The following TMEM181 variants were observed in gnomAD, a reference collection of about 807,000 sequenced individuals.
The protein encoded by TMEM181 is G protein-coupled receptor 178.
TMEM181 carries 39 observed loss-of-function variants against 71.9 expected under a neutral mutation model. That is an observed-to-expected ratio of 0.54 (90% CI 0.42 to 0.71). The LOEUF is 0.71. Among genes scored for constraint, TMEM181 ranks in the 30% least tolerant of loss-of-function variants. The probability of loss-of-function intolerance (pLI) is 0.00; values close to 1 mark genes in which losing one functional copy is unlikely to be tolerated. For missense variants in TMEM181, 595 were observed against 583.0 expected, an observed-to-expected ratio of 1.02 and a Z score of -0.21; for synonymous variants, 245 against 228.8, an observed-to-expected ratio of 1.07 and a Z score of -0.64.
chr6:158,546,034 C>T (rs746535081), intron 1 of TMEM181, among the ~76,000 whole-genome samples: 1 of 152,214 alleles, frequency 6.6e-6, no homozygotes, highest in Non-Finnish European at 1.5e-5. Flanking sequence ...GCTTATCTAT[C>T]TGGCATGACC....
intron 1 of TMEM181, among the ~76,000 whole-genome samples, chr6:158,560,643 C>T (rs1029741916): frequency 6.6e-6 from 1 of 152,212 alleles, no homozygotes; most frequent in African/African-American, 2.4e-5. Flanking sequence ...CCGTCGTCCC[C>T]TCGGTATCGA....
At chr6:158,549,807 G>A (rs781288566) in intron 1 of TMEM181, among the ~76,000 whole-genome samples, 6 of 152,182 alleles carry the variant, frequency 3.9e-5, no homozygotes, top group Admixed American at 6.5e-5. Context: ...TGTTGCAGGA[G>A]TATTTTTTGT....
At position 158,579,634 on chromosome 6, in the gene TMEM181, G is replaced by A. The variant is rs184235200; in HGVS notation, c.113-1306G>A. Among the ~76,000 whole-genome samples, 460 of 150,988 alleles carry A rather than the reference G, an allele frequency of 3.0e-3. 2 individuals carry two copies. Among genetic ancestry groups the A allele is most frequent in the African/African-American group, 0.01 (422 of 41,122 alleles). ...CTTGGGAGGCTGAGGCAGGAGAATC[G>A]CTTGAACCTGGGAGGCAGAGGTTGC... On this transcript the variant is annotated intron_variant, in intron 2 of 16. Transcript: ENST00000684151.
intron 6 of TMEM181, among the ~76,000 whole-genome samples, chr6:158,590,968 GTGAC>G (rs1784079557): frequency 6.6e-6 from 1 of 152,216 alleles, no homozygotes; most frequent in Admixed American, 6.5e-5. Flanking sequence ...GTGGTCTTCG[GTGAC>G]TGTCTGCTTT....
chr6:158,615,636 TA>T (rs777848410), intron 10 of TMEM181, among the ~76,000 whole-genome samples: 25 of 152,362 alleles, frequency 1.6e-4, no homozygotes, highest in Admixed American at 4.6e-4. Context: ...TTTAAGTCTT[TA>T]ATCCATCTTG....
intron 3 of TMEM181, 100 bp downstream of exon 3, chr6:158,581,095 T>A: frequency 8.6e-7 from 1 of 1,161,560 alleles, no homozygotes; most frequent in Non-Finnish European, 1.2e-6. Context: ...TAGCCTTCCC[T>A]TGCCTTGCGG....
chr6:158,613,193 A>T (rs1399632580), intron 10 of TMEM181, among the ~76,000 whole-genome samples: 2 of 152,220 alleles, frequency 1.3e-5, no homozygotes, highest in Non-Finnish European at 2.9e-5. Context: ...AAACCATAAA[A>T]ATTGAAAAAC....
At chr6:158,584,553 A>G (rs1395482167) in intron 4 of TMEM181, among the ~76,000 whole-genome samples, 1 of 152,202 alleles carries the variant, frequency 6.6e-6, no homozygotes, top group Admixed American at 6.5e-5. Context: ...TAATGCATCC[A>G]TTGTTTATGA....
chr6:158,596,892 G>A (rs1273728045), intron 6 of TMEM181, among the ~76,000 whole-genome samples: 3 of 152,138 alleles, frequency 2.0e-5, no homozygotes, highest in Admixed American at 6.5e-5. Flanking sequence ...GACCTCCCCC[G>A]GGTCCCTCCC....
chr6:158,608,412 G>A lies in TMEM181; in HGVS notation c.753G>A (p.Leu251=). Reference sequence around the variant, plus strand: ...ATGACCTCTTTCAGTCCATGTTCCTGTGCGCCCTGCTGCTCTTCTGGCTGT... The same window carrying A: ...ATGACCTCTTTCAGTCCATGTTCCTATGCGCCCTGCTGCTCTTCTGGCTGT... ...MLDDLFQSMF[L]CALLLFWLCV... is the part of the protein sequence containing the mutation. The change falls in exon 9 of 17, where the codon CTG becomes CTA. Residue 251 remains leucine (L), a synonymous_variant. Transcript: ENST00000684151. The A allele has an allele frequency of 1.9e-6, 3 of 1,614,210 alleles. No individual in the cohort carries two copies. The highest frequency in any genetic ancestry group is 1.3e-5 in the African/African-American group (1 of 75,044).
chr6:158,557,751 A>G (rs183469391), upstream of TMEM181, among the ~76,000 whole-genome samples: 216 of 152,326 alleles, frequency 1.4e-3, no homozygotes, highest in African/African-American at 4.9e-3. Flanking sequence ...TCCTGAGCTC[A>G]GGTGATCCCC....
At chr6:158,545,862 C>G (rs1781511101) in intron 1 of TMEM181, among the ~76,000 whole-genome samples, 1 of 152,016 alleles carries the variant, frequency 6.6e-6, no homozygotes, top group Non-Finnish European at 1.5e-5. Flanking sequence ...TTTAATACAC[C>G]CCCATGGCTA....
At chr6:158,567,607 CA>C (rs1464801347) in intron 1 of TMEM181, among the ~76,000 whole-genome samples, 1 of 152,144 alleles carries the variant, frequency 6.6e-6, no homozygotes, top group East Asian at 1.9e-4. Context: ...GAAGAGAGAG[CA>C]TCTTAGATCA....
At chr6:158,598,011 G>A (rs190098972) in intron 6 of TMEM181, among the ~76,000 whole-genome samples, 8 of 152,236 alleles carry the variant, frequency 5.3e-5, no homozygotes, top group Admixed American at 4.6e-4. Flanking sequence ...TTTGGAATAC[G>A]TCGTGCCCAC....
intron 5 of TMEM181, among the ~76,000 whole-genome samples, chr6:158,585,628 G>A (rs983504610): frequency 2.6e-5 from 4 of 152,092 alleles, no homozygotes; most frequent in Admixed American, 2.0e-4. Context: ...TCTTATAAAC[G>A]TACACATGCA....
rs867379928 is a variant in TMEM181, at chr6:158,622,102, C to T, written c.897-1448C>T. Among the ~76,000 whole-genome samples, 5 of 152,346 alleles carry T rather than the reference C, an allele frequency of 3.3e-5. 1 individual carries two copies. The highest frequency in any genetic ancestry group is 5.9e-5 in the Non-Finnish European group (4 of 68,026). ...GGCCGCCCACACTGTTCTGCCCTGC[C>T]TGACCTCTGCCCAAGATGACACCAC... On this transcript the variant is annotated intron_variant, in intron 10 of 16. Transcript: ENST00000684151.
intron 13 of TMEM181, among the ~76,000 whole-genome samples, chr6:158,628,098 G>C (rs1786430843): frequency 6.6e-6 from 1 of 152,222 alleles, no homozygotes; most frequent in Non-Finnish European, 1.5e-5. Context: ...GGGAGGAAAT[G>C]TGCCAAGGAG....
rs1786197504 is a variant in TMEM181, at chr6:158,625,089, CT to C, written c.955-13del. 2.5e-6 allele frequency: 4 copies of C among 1,606,174 alleles called. No individual in the cohort carries two copies. The highest frequency in any genetic ancestry group is 3.4e-6 in the Non-Finnish European group (4 of 1,172,782). ...GGCCCTGTTCCGACTCAAGTGCTGCCTTGTGTCCTCCTAGGGAATGAAGGTC... is the reference window on the plus strand; with the variant it reads ...GGCCCTGTTCCGACTCAAGTGCTGCCTGTGTCCTCCTAGGGAATGAAGGTC... On this transcript the variant is annotated splice_polypyrimidine_tract_variant and intron_variant, in intron 11 of 16. Transcript: ENST00000684151.
At chr6:158,559,313 G>C (rs550863734), upstream of TMEM181, among the ~76,000 whole-genome samples, 49 of 152,282 alleles carry the variant, frequency 3.2e-4, no homozygotes, top group Non-Finnish European at 5.3e-4. Context: ...CCTTATTCAT[G>C]TCCACACTTT....
Sources: gnomAD v4.1 joint callset for allele counts (sites outside exome capture counted in the v4.1 genomes callset) on GRCh38, gnomAD v4.1.1 for gene constraint, MANE v1.5 for transcripts, NCBI Gene and HGNC (gene_info 2026-07-23, HGNC 2026-07-21) for gene names.